Variants in RECQL4 observed in about 807,000 individuals in gnomAD.
RECQL4 encodes the protein RecQ like helicase 4.
In RECQL4, 158 loss-of-function variants were observed where a neutral mutation model predicts 128.6. The observed-to-expected ratio is 1.23, with a 90% CI of 1.08 to 1.40. The LOEUF (loss-of-function observed/expected upper bound fraction) is 1.40. Among genes scored for constraint, RECQL4 ranks in the 40% most tolerant of loss-of-function variants. The probability of loss-of-function intolerance (pLI) is 0.00; values close to 1 mark genes in which losing one functional copy is unlikely to be tolerated. For synonymous variants in RECQL4, 996 were observed against 678.9 expected (o/e 1.47, Z -7.26); for missense variants, 2,293 against 1,649.8 (o/e 1.39, Z -6.75).
At position 144,511,727 on chromosome 8, in the gene RECQL4, C is replaced by T. The variant is rs756549605; in HGVS notation, c.3456G>A (p.Glu1152=). ...DIRQFLSLRP[E]EKFSSRAVAR... is the part of the protein sequence containing the mutation. The stretch of plus-strand genomic sequence containing the variant: ...CCACAGCCCTGCTGGAGAACTTCTC[C>T]TCTGGCCTCAGGGACAGGAACTGGC... Residue 1152 remains glutamate (E), a synonymous_variant, in exon 20 of 21, where the codon GAG becomes GAA. Transcript: ENST00000617875. 1.1e-5 allele frequency: 18 copies of T among 1,612,464 alleles called. No individual in the cohort carries two copies. The South Asian group carries it at 1.5e-4, about 14-fold the overall frequency.
intron 2 of RECQL4, 47 bp from the exon 3 acceptor site, chr8:144,517,555 T>A: frequency 6.6e-7 from 1 of 1,514,746 alleles, no homozygotes; most frequent in Middle Eastern, 2.2e-4. Context: ...CCTGGGCCCC[T>A]GCCGACCCGG....
Position 144,517,798 on chromosome 8 carries a change from G to A in RECQL4, c.-14C>T, listed in dbSNP as rs922585939. 4.9e-6 allele frequency: 6 copies of A among 1,212,174 alleles called. No individual in the cohort carries two copies. The highest frequency in any genetic ancestry group is 4.8e-5 in the African/African-American group (3 of 62,588). 75.1% of individuals were successfully genotyped at this position (1,212,174 alleles called of 1,614,324 possible). On this transcript the variant is annotated 5_prime_UTR_variant, in exon 1 of 21. Coordinates refer to ENST00000617875, the MANE Select transcript of RECQL4 (RefSeq NM_004260.4). ...CAGCCGCTCCATGGCGCGCGCGCCC[G>A]CCCGGCCTCCGCGCTTGCGATCGTC...
chr8:144,515,642 G>A (rs1828048281), intron 6 of RECQL4, 122 bp downstream of exon 6: 21 of 1,458,164 alleles, frequency 1.4e-5, no homozygotes, highest in Admixed American at 2.0e-5. Context: ...GGGGAGCTAG[G>A]GTAGGGCCTG....
At chr8:144,517,021 CG>C (rs1564810000) in intron 4 of RECQL4, 28 bp downstream of exon 4, 1 of 1,600,046 alleles carries the variant, frequency 6.2e-7, no homozygotes, top group East Asian at 2.2e-5. Flanking sequence ...GTGGACCTAG[CG>C]TGGACTCACT....
Position 144,513,266 on chromosome 8 carries a change from G to T in RECQL4, c.2415C>A (p.Ala805=), listed in dbSNP as rs34735741. Residue 805 remains alanine (A), a synonymous_variant, in exon 14 of 21, where the codon GCC becomes GCA. Coordinates refer to ENST00000617875, the MANE Select transcript of RECQL4 (RefSeq NM_004260.4). Reference sequence around the variant, plus strand: ...AGTGGGCAGGCTGCCCGTCACGCCCGGCCCGGCCCACGGCCTGCACGTAGC... The same window carrying T: ...AGTGGGCAGGCTGCCCGTCACGCCCTGCCCGGCCCACGGCCTGCACGTAGC... ...FESYVQAVGR[A]GRDGQPAHCH... 1.3e-6 allele frequency: 2 copies of T among 1,593,728 alleles called. No individual in the cohort carries two copies. The highest frequency in any genetic ancestry group is 1.7e-5 in the Admixed American group (1 of 59,590).
At position 144,512,489 on chromosome 8, in the gene RECQL4, C is replaced by A. The variant is rs766197579; in HGVS notation, c.2958G>T (p.Glu986Asp). ...EDPGQGSSSV[E>D]FDMVKLVDSM... ...AGTCCACCAGCTTGACCATGTCAAA[C>A]TCCACGGAGCTGCTGCCTTGCCCTG... is the stretch of plus-strand genomic sequence containing the variant. Residue 986 changes from glutamate to aspartate, a missense_variant, in exon 17 of 21, where the codon GAG (glutamate) becomes GAT (aspartate). By Grantham distance (45) the Glu-to-Asp change is conservative. Transcript: ENST00000617875. 1 of 1,612,468 alleles carries A rather than the reference C, an allele frequency of 6.2e-7. No individual in the cohort carries two copies. The highest frequency in any genetic ancestry group is 8.5e-7 in the Non-Finnish European group (1 of 1,179,782).
chr8:144,517,588 C>CGCCGCCCA lies in RECQL4; in HGVS notation c.118+13_118+14insTGGGCGGC. The CGCCGCCCA allele has an allele frequency of 2.0e-6, 3 of 1,479,398 alleles. No homozygotes were observed. The South Asian group carries it at 3.9e-5, about 19-fold the overall frequency. 91.6% of individuals were successfully genotyped at this position (1,479,398 alleles called of 1,614,324 possible). A position where few individuals can be genotyped will look rare whatever the true frequency, so the allele number is the denominator to read the frequency against. On this transcript the variant is annotated intron_variant, in intron 2 of 20. Coordinates refer to ENST00000617875, the MANE Select transcript of RECQL4 (RefSeq NM_004260.4). ...CGGTGTCTTCTCGCCCCCGCCGCCC[C>CGCCGCCCA]GCCGCGCGCTCACCGCGGGTCTCCT...
intron 3 of RECQL4, 97 bp downstream of exon 3, chr8:144,517,317 T>G: frequency 6.7e-7 from 1 of 1,484,274 alleles, no homozygotes; most frequent in Non-Finnish European, 9.0e-7. Flanking sequence ...CCCTCCCAAG[T>G]TCTGTGCCCC....
In RECQL4 at chr8:144,516,464, G is replaced by A. The variant is rs756820839; in HGVS notation, c.655C>T (p.Leu219Phe). 1.8e-5 allele frequency: 29 copies of A among 1,608,536 alleles called. 1 individual carries two copies. The highest frequency in any genetic ancestry group is 7.7e-5 in the South Asian group (7 of 91,020). Residue 219 changes from leucine to phenylalanine, a missense_variant, in exon 5 of 21, where the codon CTT (leucine) becomes TTT (phenylalanine). By Grantham distance (22) the Leu-to-Phe change is conservative (BLOSUM62 0). Transcript: ENST00000617875. ...ACAGCCGACTCACCAGGGATCAGAA[G>A]TTGTGATTCCTCTGAGCCTAGATCA... ...RPDLGSEESQ[L>F]LIPGESAVLG...
chr8:144,517,602 C>T lies in RECQL4; in HGVS notation c.118G>A (p.Ala40Thr). Residue 40 changes from alanine to threonine, a missense_variant and splice_region_variant, in exon 2 of 21, where the codon GCG becomes ACG. Coordinates refer to ENST00000617875, the MANE Select transcript of RECQL4 (RefSeq NM_004260.4). Reference sequence around the variant, plus strand: ...CCCCGCCGCCCCGCCGCGCGCTCACCGCGGGTCTCCTCCGGCGCCGCCTCC... The same window carrying T: ...CCCCGCCGCCCCGCCGCGCGCTCACTGCGGGTCTCCTCCGGCGCCGCCTCC... ...DVEAAPEETR[A>T]LYREYRTLKR... The T allele has an allele frequency of 1.3e-6, 2 of 1,486,334 alleles. No homozygotes were observed. Among genetic ancestry groups the T allele is most frequent in the Non-Finnish European group, 8.9e-7 (1 of 1,126,366 alleles). 92.1% of individuals were successfully genotyped at this position (1,486,334 alleles called of 1,614,324 possible). A position where few individuals can be genotyped will look rare whatever the true frequency, so the allele number is the denominator to read the frequency against.
At position 144,517,631 on chromosome 8, in the gene RECQL4, T is replaced by G; in HGVS notation, c.89A>C (p.Asp30Ala). The G allele has an allele frequency of 6.7e-7, 1 of 1,486,484 alleles. No homozygotes were observed. Among genetic ancestry groups the G allele is most frequent in the Non-Finnish European group, 8.9e-7 (1 of 1,126,276 alleles). The allele number at this position is 1,486,484 out of a possible 1,614,324, so 92.1% of individuals were successfully genotyped here. A position where few individuals can be genotyped will look rare whatever the true frequency, so the allele number is the denominator to read the frequency against. Reference protein sequence around the residue: ...RQRGRRPSQDDVEAAPEETRA... With the variant: ...RQRGRRPSQDAVEAAPEETRA... ...GGTCTCCTCCGGCGCCGCCTCCACGTCGTCCTGTAAAGGGAACGCGTCAGC... is the reference window on the plus strand; with the variant it reads ...GGTCTCCTCCGGCGCCGCCTCCACGGCGTCCTGTAAAGGGAACGCGTCAGC... Residue 30 changes from aspartate (D) to alanine (A), a missense_variant, in exon 2 of 21, where the codon GAC (aspartate) becomes GCC (alanine). Physicochemically the swap from Asp to Ala is moderately radical, Grantham distance 126 (BLOSUM62 -2). Coordinates refer to ENST00000617875, the MANE Select transcript of RECQL4 (RefSeq NM_004260.4).
At chr8:144,517,212 C>T in intron 3 of RECQL4, 22 bp from the exon 4 acceptor site, 1 of 1,582,710 alleles carries the variant, frequency 6.3e-7, no homozygotes, top group Non-Finnish European at 8.6e-7. Context: ...AACAGGGGCA[C>T]AGGCCAGAAA....
chr8:144,511,899 T>C lies in RECQL4; in HGVS notation c.3393+12A>G, dbSNP rs1464007089. The C allele has an allele frequency of 5.0e-6, 8 of 1,610,496 alleles. No homozygotes were observed. The highest frequency in any genetic ancestry group is 6.8e-6 in the Non-Finnish European group (8 of 1,179,582). On this transcript the variant is annotated intron_variant, in intron 19 of 20. Transcript: ENST00000617875. ...GCAACCCCGATGAGCTGCCTGGCCT[T>C]ACTGCACTCACTCTGGCCTGCCCTG...
Position 144,512,905 on chromosome 8 carries a change from G to A in RECQL4, c.2697C>T (p.Gly899=), listed in dbSNP as rs1237280502. 1.3e-6 allele frequency: 2 copies of A among 1,589,102 alleles called. No homozygotes were observed. Among genetic ancestry groups the A allele is most frequent in the East Asian group, 2.3e-5 (1 of 43,666 alleles). Residue 899 remains glycine, a synonymous_variant, in exon 15 of 21, where the codon GGC becomes GGT. Coordinates refer to ENST00000617875, the MANE Select transcript of RECQL4 (RefSeq NM_004260.4). The part of the protein sequence containing the change: ...AAPGPRRVCM[G]HERALPIQLT... The stretch of plus-strand genomic sequence containing the variant: ...GCTGTATTGGGAGTGCCCGCTCATG[G>A]CCCATGCAGACCCTTCTGGGTCCTG...
At chr8:144,517,263 C>G (rs1414541529) in intron 3 of RECQL4, 73 bp from the exon 4 acceptor site, 3 of 1,523,830 alleles carry the variant, frequency 2.0e-6, no homozygotes, top group Non-Finnish European at 2.6e-6. Context: ...CCACCCCTCC[C>G]GCACCTGGAG....
chr8:144,513,098 T>G lies in RECQL4; in HGVS notation c.2504A>C (p.Asp835Ala), dbSNP rs759566991. Reference protein sequence around the residue: ...LRELRRHVHADSTDFLAVKRL... With the variant: ...LRELRRHVHAASTDFLAVKRL... ...CTTCACAGCCAGGAAGTCCGTGCTG[T>G]CGGCGTGCACATGTCTGCGCAGCTC... is the stretch of plus-strand genomic sequence containing the variant. The change falls in exon 15 of 21, where the codon GAC becomes GCC. Residue 835 changes from aspartate to alanine, a missense_variant. Coordinates refer to ENST00000617875, the MANE Select transcript of RECQL4 (RefSeq NM_004260.4). 1 of 1,573,196 alleles carries G rather than the reference T, an allele frequency of 6.4e-7. No homozygotes were observed. The highest frequency in any genetic ancestry group is 8.6e-7 in the Non-Finnish European group (1 of 1,157,606).
chr8:144,511,630 GCCCCAGC>G (rs1235264366), intron 20 of RECQL4, 44 bp downstream of exon 20: 2 of 1,606,706 alleles, frequency 1.2e-6, no homozygotes, highest in Non-Finnish European at 1.7e-6. Flanking sequence ...GGCCTCACCT[GCCCCAGC>G]CCCCAGCCCC....
At position 144,511,436 on chromosome 8, in the gene RECQL4, G is replaced by A. The variant is rs41555416; in HGVS notation, c.3622C>T (p.Arg1208Cys). 1,426 of 1,612,340 alleles carry A rather than the reference G, an allele frequency of 8.8e-4. 1 individual carries two copies. Among genetic ancestry groups the A allele is most frequent in the Non-Finnish European group, 1.1e-3 (1,323 of 1,179,596 alleles). ...LATEELLQVA[R>C] ...CATCCCCCAATGCAGTGCAGTCAGC[G>A]GGCCACCTGCAGGAGCTCTTCCGTG... is the stretch of plus-strand genomic sequence containing the variant. Residue 1208 changes from arginine (R) to cysteine (C), a missense_variant, in exon 21 of 21, where the codon CGC becomes TGC. By Grantham distance (180) the Arg-to-Cys change is radical. Transcript: ENST00000617875.
intron 9 of RECQL4, 141 bp downstream of exon 9, chr8:144,514,795 T>C: frequency 9.1e-7 from 1 of 1,099,846 alleles, no homozygotes; most frequent in Non-Finnish European, 1.3e-6. Context: ...TTTGACCTGC[T>C]GCCAAGACTG....
Sources: gnomAD v4.1 joint callset for allele counts on GRCh38, gnomAD v4.1.1 for gene constraint, MANE v1.5 for transcripts, NCBI Gene and HGNC (gene_info 2026-07-23, HGNC 2026-07-21) for gene names.